TBX19: variants seen among roughly 807,000 people sequenced by gnomAD.
TBX19 encodes the protein T-box transcription factor TBX19.
A neutral mutation model predicts 40.9 loss-of-function variants in TBX19; 33 were observed. The ratio of observed to expected loss-of-function variants is 0.81; its 90% CI spans 0.61 to 1.08. The LOEUF is 1.08. Ranked by LOEUF, TBX19 falls within the 50% of genes least tolerant of loss-of-function variation. The pLI is 0.00. For synonymous variants in TBX19, 220 were observed against 225.0 expected, an observed-to-expected ratio of 0.98 and a Z score of 0.20; for missense variants, 494 against 574.0, an observed-to-expected ratio of 0.86 and a Z score of 1.42.
At chr1:168,302,843 G>T (rs1649311652) in intron 5 of TBX19, among the ~76,000 whole-genome samples, 1 of 152,006 alleles carries the variant, frequency 6.6e-6, no homozygotes, top group Admixed American at 6.6e-5. Flanking sequence ...TTCACACTCG[G>T]CAGAAATAGA....
chr1:168,304,747 G>A (rs1288150601), intron 5 of TBX19, among the ~76,000 whole-genome samples: 1 of 152,198 alleles, frequency 6.6e-6, no homozygotes, highest in African/African-American at 2.4e-5. Context: ...GTCTTCAACT[G>A]CCAAAATTTT....
At chr1:168,299,675 A>G (rs554043036) in intron 4 of TBX19, among the ~76,000 whole-genome samples, 66 of 152,048 alleles carry the variant, frequency 4.3e-4, no homozygotes, top group Non-Finnish European at 8.7e-4. Flanking sequence ...GGCTCTCAGT[A>G]TGTTGCCCAG....
At chr1:168,298,051 C>G (rs1166208100) in intron 4 of TBX19, among the ~76,000 whole-genome samples, 3 of 152,060 alleles carry the variant, frequency 2.0e-5, no homozygotes, top group Non-Finnish European at 1.5e-5. Flanking sequence ...AAAAAATTAG[C>G]CGGGTGTGGT....
At chr1:168,291,799 A>G (rs1249510683) in intron 2 of TBX19, among the ~76,000 whole-genome samples, 2 of 152,148 alleles carry the variant, frequency 1.3e-5, no homozygotes, top group African/African-American at 4.8e-5. Context: ...GGCAATAGAC[A>G]AATACCTTCA....
intron 7 of TBX19, among the ~76,000 whole-genome samples, chr1:168,311,737 C>T (rs1173415620): frequency 6.6e-6 from 1 of 152,134 alleles, no homozygotes; most frequent in Admixed American, 6.5e-5. Context: ...ATGTAAGAAA[C>T]ATAGTGATGA....
At chr1:168,281,928 G>A (rs1366752520) in intron 1 of TBX19, among the ~76,000 whole-genome samples, 3 of 152,166 alleles carry the variant, frequency 2.0e-5, no homozygotes, top group Non-Finnish European at 4.4e-5. Flanking sequence ...TCTTATCAGT[G>A]CAACAAATTT....
At chr1:168,310,253 G>A (rs1259571818) in intron 7 of TBX19, among the ~76,000 whole-genome samples, 2 of 151,828 alleles carry the variant, frequency 1.3e-5, no homozygotes, top group Admixed American at 1.3e-4. Flanking sequence ...AGTGAGCTGA[G>A]GCACTGCACT....
At position 168,281,258 on chromosome 1, in the gene TBX19, A is replaced by C; in HGVS notation, c.168A>C (p.Glu56Asp). The change falls in exon 1 of 8, where the codon GAA (glutamate) becomes GAC (aspartate). Residue 56 changes from glutamate (E) to aspartate (D), a missense_variant. This residue lies in a region of TBX19 where 201 missense variants were observed against 235.2 expected (regional missense o/e 0.85). Coordinates refer to ENST00000367821, the MANE Select transcript of TBX19 (RefSeq NM_005149.3). ...CACCTCTCTGGCAGAGATTCAAGGA[A>C]GTCACTAATGAGATGATTGTGACCA... is the stretch of plus-strand genomic sequence containing the variant. ...EDAPLWQRFK[E>D]VTNEMIVTKN... The C allele has an allele frequency of 6.2e-7, 1 of 1,614,148 alleles. No individual in the cohort carries two copies. Among genetic ancestry groups the C allele is most frequent in the Non-Finnish European group, 8.5e-7 (1 of 1,180,008 alleles).
intron 3 of TBX19, among the ~76,000 whole-genome samples, chr1:168,294,042 A>G (rs1398661088): frequency 2.0e-5 from 3 of 152,304 alleles, no homozygotes; most frequent in East Asian, 1.9e-4. Flanking sequence ...CTCACTCCCC[A>G]TGGACACGAC....
At chr1:168,298,111 G>A (rs924600537) in intron 4 of TBX19, among the ~76,000 whole-genome samples, 9 of 152,190 alleles carry the variant, frequency 5.9e-5, no homozygotes, top group Admixed American at 1.3e-4. Flanking sequence ...CAGGAGAATG[G>A]CGTGAACCCG....
chr1:168,305,308 TA>T, intron 6 of TBX19, 112 bp downstream of exon 6: 1 of 937,906 alleles, frequency 1.1e-6, no homozygotes, highest in Non-Finnish European at 1.7e-6. Flanking sequence ...CCCCGTCATC[TA>T]ATATACATCT....
intron 3 of TBX19, 184 bp from the exon 4 acceptor site, chr1:168,297,540 G>A: frequency 1.4e-6 from 1 of 697,280 alleles, no homozygotes; most frequent in Non-Finnish European, 2.7e-6. Context: ...AAGTGCTGGA[G>A]TAAGCAAAGA....
At position 168,281,114 on chromosome 1, in the gene TBX19, T is replaced by C. The variant is rs2102348656; in HGVS notation, c.24T>C (p.Thr8=). 6.2e-7 allele frequency: 1 copy of C among 1,614,076 alleles called. No homozygotes were observed. The highest frequency in any genetic ancestry group is 2.2e-5 in the East Asian group (1 of 44,872). Residue 8 remains threonine (T), a synonymous_variant, in exon 1 of 8, where the codon ACT becomes ACC. Coordinates refer to ENST00000367821, the MANE Select transcript of TBX19 (RefSeq NM_005149.3). MAMSELG[T]RKPSDGTVSH... is the part of the protein sequence containing the mutation. ...CTATGGCCATGAGTGAGCTGGGCACTCGGAAGCCCAGCGATGGCACTGTTT... is the reference window on the plus strand; with the variant it reads ...CTATGGCCATGAGTGAGCTGGGCACCCGGAAGCCCAGCGATGGCACTGTTT...
chr1:168,307,383 T>C (rs905576120), intron 6 of TBX19, among the ~76,000 whole-genome samples: 4 of 152,094 alleles, frequency 2.6e-5, no homozygotes, highest in Non-Finnish European at 5.9e-5. Context: ...ATCACATGGA[T>C]GGTGGGGGAA....
intron 5 of TBX19, among the ~76,000 whole-genome samples, chr1:168,303,742 C>A (rs1387992101): frequency 2.0e-5 from 3 of 152,160 alleles, no homozygotes; most frequent in Non-Finnish European, 4.4e-5. Context: ...AAGGGGCGGG[C>A]AATTCCCACA....
chr1:168,281,592 A>T (rs562733949), intron 1 of TBX19, among the ~76,000 whole-genome samples: 9 of 152,364 alleles, frequency 5.9e-5, no homozygotes, highest in African/African-American at 2.2e-4. Context: ...AATGTCAGAA[A>T]ATAATATTAA....
chr1:168,282,867 ACAATTAC>A (rs1648697252), intron 1 of TBX19, among the ~76,000 whole-genome samples: 2 of 152,246 alleles, frequency 1.3e-5, no homozygotes, highest in Admixed American at 1.3e-4. Context: ...AAAAATAAGT[ACAATTAC>A]CAAGTCAATA....
At chr1:168,311,478 C>G (rs137868012) in intron 7 of TBX19, among the ~76,000 whole-genome samples, 15 of 152,208 alleles carry the variant, frequency 9.9e-5, no homozygotes, top group African/African-American at 3.4e-4. Flanking sequence ...GCTGAGCTAG[C>G]TCAGAGAGAG....
At chr1:168,306,626 C>CAAAAAAAA (rs56042823) in intron 6 of TBX19, among the ~76,000 whole-genome samples, 2 of 75,244 alleles carry the variant, frequency 2.7e-5, no homozygotes, top group African/African-American at 5.4e-5. Flanking sequence ...GACGCCATCT[C>CAAAAAAAA]AAAAAAAAAA....
Sources: gnomAD v4.1 joint callset for allele counts (sites outside exome capture counted in the v4.1 genomes callset) on GRCh38, gnomAD v4.1.1 for gene constraint, gnomAD v4.1.1 regional missense constraint, MANE v1.5 for transcripts, NCBI Gene and HGNC (gene_info 2026-07-23, HGNC 2026-07-21) for gene names.